Variants in APBB1IP observed in about 807,000 individuals in gnomAD.
The protein encoded by APBB1IP is amyloid beta A4 precursor protein-binding family B member 1-interacting protein.
A neutral mutation model predicts 64.9 loss-of-function variants in APBB1IP; 27 were observed. The observed-to-expected ratio is 0.42, with a 90% CI of 0.31 to 0.57. APBB1IP has a LOEUF of 0.57. Among genes scored for constraint, APBB1IP ranks in the 20% least tolerant of loss-of-function variants. APBB1IP has a pLI of 0.20. For missense variants in APBB1IP, 812 were observed against 845.5 expected, an observed-to-expected ratio of 0.96 and a Z score of 0.49; for synonymous variants, 392 against 331.0, an observed-to-expected ratio of 1.18 and a Z score of -2.00.
At chr10:26,558,501 C>T (rs1836922741) in intron 11 of APBB1IP, among the ~76,000 whole-genome samples, 1 of 151,892 alleles carries the variant, frequency 6.6e-6, no homozygotes, top group East Asian at 1.9e-4. Context: ...CAGAAACTAA[C>T]TGGGCTTGGT....
At chr10:26,508,572 GTATTTAGCTTGCTAAATCACATAACTGT>G (rs1450353271) in intron 6 of APBB1IP, among the ~76,000 whole-genome samples, 1 of 151,350 alleles carries the variant, frequency 6.6e-6, no homozygotes, top group African/African-American at 2.4e-5. Flanking sequence ...AAATATGAAA[GTATTTAGCTTGCTAAATCACATAACTGT>G]GATTTAGCTT....
chr10:26,494,120 G>A (rs1352368025), intron 3 of APBB1IP, among the ~76,000 whole-genome samples: 1 of 152,118 alleles, frequency 6.6e-6, no homozygotes, highest in Non-Finnish European at 1.5e-5. Flanking sequence ...GAACTAAGTG[G>A]GAGTTATGGT....
chr10:26,467,051 A>G (rs1169712631), intron 2 of APBB1IP, among the ~76,000 whole-genome samples: 1 of 152,120 alleles, frequency 6.6e-6, no homozygotes, highest in Non-Finnish European at 1.5e-5. Context: ...TCTAAATAAT[A>G]AAAAGATGTG....
At chr10:26,511,951 G>C (rs1345624581) in intron 7 of APBB1IP, 45 bp downstream of exon 7, 1 of 1,603,416 alleles carries the variant, frequency 6.2e-7, no homozygotes, top group East Asian at 2.2e-5. Context: ...AAAACCTTGT[G>C]GGTTTGCTGT....
intron 8 of APBB1IP, among the ~76,000 whole-genome samples, chr10:26,529,497 A>G (rs575125344): frequency 1.3e-5 from 2 of 152,376 alleles, no homozygotes; most frequent in Admixed American, 6.5e-5. Flanking sequence ...GTACAGCTAT[A>G]CATCCTGCCT....
chr10:26,567,109 C>T lies in APBB1IP; in HGVS notation c.1622C>T (p.Thr541Ile). The T allele has an allele frequency of 1.4e-6, 2 of 1,436,842 alleles. No individual in the cohort carries two copies. Among genetic ancestry groups the T allele is most frequent in the Non-Finnish European group, 1.8e-6 (2 of 1,109,414 alleles). The allele number at this position is 1,436,842 out of a possible 1,614,324, so 89.0% of individuals were successfully genotyped here. A position where few individuals can be genotyped will look rare whatever the true frequency, so the allele number is the denominator to read the frequency against. The change falls in exon 15 of 15, where the codon ACA (threonine) becomes ATA (isoleucine). Residue 541 changes from threonine to isoleucine, a missense_variant. Transcript: ENST00000376236. ...SPATPLKAKG[T>I]GGGGLPAPPD... ...GCCACGCCCCTCAAGGCCAAGGGCA[C>T]AGGCGGCGGGGGCTTGCCCGCCCCA... is the stretch of plus-strand genomic sequence containing the variant.
chr10:26,515,028 C>T (rs1227311388), intron 8 of APBB1IP, among the ~76,000 whole-genome samples: 1 of 137,688 alleles, frequency 7.3e-6, no homozygotes, highest in Non-Finnish European at 1.5e-5. Flanking sequence ...CATGACACCA[C>T]CCCCGGCTAA....
chr10:26,558,206 G>A (rs1159618493), intron 11 of APBB1IP, among the ~76,000 whole-genome samples: 13 of 151,382 alleles, frequency 8.6e-5, no homozygotes, highest in Admixed American at 8.6e-4. Context: ...ATAATAAAAT[G>A]TATTATAATA....
chr10:26,491,203 T>G (rs955878598), intron 2 of APBB1IP, among the ~76,000 whole-genome samples: 8 of 151,694 alleles, frequency 5.3e-5, no homozygotes, highest in African/African-American at 1.9e-4. Flanking sequence ...TGCTTTAACC[T>G]GAGAGACGGA....
chr10:26,523,853 C>T (rs147874216), intron 8 of APBB1IP, among the ~76,000 whole-genome samples: 117 of 152,148 alleles, frequency 7.7e-4, no homozygotes, highest in African/African-American at 2.7e-3. Context: ...AAGACCCTGG[C>T]CTTGAATGGT....
chr10:26,538,418 G>A (rs1165647989), intron 10 of APBB1IP, among the ~76,000 whole-genome samples: 5 of 151,918 alleles, frequency 3.3e-5, no homozygotes, highest in South Asian at 2.1e-4. Context: ...CGAGGCGGGC[G>A]AATCACGAGG....
Position 26,521,470 on chromosome 10 carries a change from C to T in APBB1IP, c.813+7810C>T, listed in dbSNP as rs74776986. 6.6e-3 allele frequency among the ~76,000 whole-genome samples: 999 copies of T among 152,268 alleles called. 17 individuals are homozygous for T. The highest frequency in any genetic ancestry group is 0.056 in the South Asian group (270 of 4,830). On this transcript the variant is annotated intron_variant, in intron 8 of 14. Transcript: ENST00000376236. Reference sequence around the variant, plus strand: ...TTGCTGGGATCATGATGGCAAGCATCTTGGTCCCAGCCCTCCCTTGGGTCT... The same window carrying T: ...TTGCTGGGATCATGATGGCAAGCATTTTGGTCCCAGCCCTCCCTTGGGTCT...
chr10:26,445,713 A>G (rs142328059), intron 2 of APBB1IP, among the ~76,000 whole-genome samples: 1 of 152,348 alleles, frequency 6.6e-6, no homozygotes, highest in African/African-American at 2.4e-5. Context: ...TTCAAAATCC[A>G]AACCAGATTT....
intron 14 of APBB1IP, among the ~76,000 whole-genome samples, chr10:26,562,831 A>G (rs1836991394): frequency 6.6e-6 from 1 of 151,290 alleles, no homozygotes; most frequent in South Asian, 2.1e-4. Flanking sequence ...TAAATAGAAA[A>G]TGCAGTTCCA....
intron 14 of APBB1IP, among the ~76,000 whole-genome samples, chr10:26,563,141 A>G (rs1235528771): frequency 6.6e-6 from 1 of 152,196 alleles, no homozygotes; most frequent in Non-Finnish European, 1.5e-5. Context: ...GAAGCCCTAT[A>G]TGAAGTGCTA....
At chr10:26,478,671 G>A (rs1198565273) in intron 2 of APBB1IP, among the ~76,000 whole-genome samples, 1 of 152,078 alleles carries the variant, frequency 6.6e-6, no homozygotes, top group Admixed American at 6.5e-5. Context: ...TGCTTTGGGG[G>A]TTGGCAGCAT....
intron 8 of APBB1IP, 63 bp downstream of exon 8, chr10:26,513,723 C>A: frequency 6.7e-7 from 1 of 1,483,486 alleles, no homozygotes; most frequent in South Asian, 1.4e-5. Context: ...TTTTTTGAGA[C>A]GGAGTCTCAA....
chr10:26,492,531 G>A (rs1489037210), intron 3 of APBB1IP, 133 bp downstream of exon 3: 2 of 752,580 alleles, frequency 2.7e-6, no homozygotes, highest in South Asian at 1.8e-5. Context: ...TTTCAATGTA[G>A]GTTCTTTTCT....
chr10:26,530,228 C>CTTTTTTT (rs772571075), intron 8 of APBB1IP, among the ~76,000 whole-genome samples: 5 of 28,940 alleles, frequency 1.7e-4, no homozygotes, highest in African/African-American at 4.1e-4. Flanking sequence ...TTTTCTTTTT[C>CTTTTTTT]TTTTTTTTTT....
Sources: allele counts gnomAD v4.1 joint callset (sites outside exome capture counted in the v4.1 genomes callset), GRCh38; gene constraint gnomAD v4.1.1; transcripts MANE v1.5; gene names NCBI Gene and HGNC (gene_info 2026-07-23, HGNC 2026-07-21).